Variants in RCAN2 observed in about 807,000 individuals in gnomAD.
RCAN2 encodes calcipressin-2.
In RCAN2, 9 loss-of-function variants were observed where a neutral mutation model predicts 23.6. That is an observed-to-expected ratio of 0.38 (90% CI 0.23 to 0.67). The LOEUF is 0.67. RCAN2 is among the 30% of genes least tolerant of loss of function. The pLI is 0.51. For synonymous variants in RCAN2, 109 were observed against 115.7 expected, an observed-to-expected ratio of 0.94 and a Z score of 0.37; for missense variants, 273 against 302.3, an observed-to-expected ratio of 0.90 and a Z score of 0.72.
At chr6:46,362,943 G>A (rs1012837251) in intron 2 of RCAN2, among the ~76,000 whole-genome samples, 3 of 152,230 alleles carry the variant, frequency 2.0e-5, no homozygotes, top group African/African-American at 7.2e-5. Context: ...CCTGGTACCT[G>A]TATTGTGCAG....
At chr6:46,290,415 T>C (rs975315455) in intron 2 of RCAN2, among the ~76,000 whole-genome samples, 1 of 152,132 alleles carries the variant, frequency 6.6e-6, no homozygotes, top group Admixed American at 6.5e-5. Flanking sequence ...GAAAACATAA[T>C]TGGGATGAAA....
chr6:46,330,798 T>C (rs1763942579), intron 2 of RCAN2, among the ~76,000 whole-genome samples: 1 of 152,246 alleles, frequency 6.6e-6, no homozygotes. Context: ...AGCCATGTTA[T>C]TTGTCTTTTA....
intron 2 of RCAN2, among the ~76,000 whole-genome samples, chr6:46,379,715 T>C (rs1362090262): frequency 6.6e-6 from 1 of 152,242 alleles, no homozygotes; most frequent in Non-Finnish European, 1.5e-5. Context: ...TACCCGACTC[T>C]GCAGCCTTAA....
At chr6:46,481,686 T>G (rs1195547033) in intron 1 of RCAN2, among the ~76,000 whole-genome samples, 1 of 152,196 alleles carries the variant, frequency 6.6e-6, no homozygotes, top group African/African-American at 2.4e-5. Flanking sequence ...AGAAGTAATA[T>G]CTGGTCTCTG....
chr6:46,330,044 G>A (rs1165487036), intron 2 of RCAN2, among the ~76,000 whole-genome samples: 1 of 152,002 alleles, frequency 6.6e-6, no homozygotes, highest in African/African-American at 2.4e-5. Context: ...ATGGCCTTCT[G>A]GATCATCTGT....
At chr6:46,468,841 TCA>T (rs1469190007) in intron 1 of RCAN2, 1 of 985,254 alleles carries the variant, frequency 1.0e-6, no homozygotes, top group Non-Finnish European at 1.2e-6. Flanking sequence ...TTCCTGAGTC[TCA>T]CAGATTCTCA....
chr6:46,420,421 C>CATGA (rs1766849746), intron 2 of RCAN2, among the ~76,000 whole-genome samples: 2 of 152,116 alleles, frequency 1.3e-5, no homozygotes, highest in South Asian at 4.1e-4. Context: ...TCAGCAACAG[C>CATGA]AGTAATCACA....
chr6:46,230,422 A>C (rs1305724590), intron 4 of RCAN2, among the ~76,000 whole-genome samples: 1 of 152,140 alleles, frequency 6.6e-6, no homozygotes, highest in Non-Finnish European at 1.5e-5. Context: ...AGTGGGCTCC[A>C]CCCAGTTTGA....
intron 2 of RCAN2, among the ~76,000 whole-genome samples, chr6:46,406,440 T>C (rs533313814): frequency 6.6e-6 from 1 of 152,382 alleles, no homozygotes; most frequent in East Asian, 1.9e-4. Flanking sequence ...TTTTTTGGTC[T>C]GTTTTCATTT....
intron 1 of RCAN2, among the ~76,000 whole-genome samples, chr6:46,487,978 T>C (rs972061609): frequency 9.2e-5 from 14 of 152,134 alleles, no homozygotes; most frequent in Non-Finnish European, 2.1e-4. Flanking sequence ...TCCATGAATA[T>C]ACAGATTTAA....
intron 2 of RCAN2, among the ~76,000 whole-genome samples, chr6:46,333,082 T>A (rs1462947866): frequency 1.3e-4 from 20 of 152,240 alleles, no homozygotes; most frequent in African/African-American, 4.6e-4. Context: ...TTTTTTCATG[T>A]GTTTTTTGGC....
intron 2 of RCAN2, among the ~76,000 whole-genome samples, chr6:46,255,164 A>T (rs1017297384): frequency 1.3e-5 from 2 of 152,152 alleles, no homozygotes; most frequent in Non-Finnish European, 2.9e-5. Context: ...AATACAGAGC[A>T]CCTAATATAA....
At chr6:46,264,501 T>A (rs1767250019) in intron 2 of RCAN2, among the ~76,000 whole-genome samples, 1 of 152,228 alleles carries the variant, frequency 6.6e-6, no homozygotes, top group Admixed American at 6.5e-5. Context: ...TTCTATTTGT[T>A]TTCCTCTGTT....
At chr6:46,272,421 A>G (rs1173906143) in intron 2 of RCAN2, among the ~76,000 whole-genome samples, 2 of 152,206 alleles carry the variant, frequency 1.3e-5, no homozygotes, top group African/African-American at 4.8e-5. Flanking sequence ...GCTTCTTTAA[A>G]GAGTCTACCC....
chr6:46,315,451 G>A (rs1763401922), intron 2 of RCAN2, among the ~76,000 whole-genome samples: 1 of 152,200 alleles, frequency 6.6e-6, no homozygotes, highest in African/African-American at 2.4e-5. Context: ...GATGAGTGAG[G>A]AGCAAGCCAT....
At chr6:46,263,543 G>GTA (rs757928904) in intron 2 of RCAN2, among the ~76,000 whole-genome samples, 15,755 of 123,252 alleles carry the variant, frequency 0.13, 1,552 homozygotes, top group African/African-American at 0.26. Context: ...GTGTGTATGT[G>GTA]TGTGTGTGTG....
chr6:46,318,055 T>C (rs1763497310), intron 2 of RCAN2, among the ~76,000 whole-genome samples: 1 of 152,188 alleles, frequency 6.6e-6, no homozygotes, highest in Non-Finnish European at 1.5e-5. Flanking sequence ...TAACATATAA[T>C]ATTGATCCAT....
intron 4 of RCAN2, among the ~76,000 whole-genome samples, chr6:46,236,481 T>TA (rs1217091318): frequency 6.6e-6 from 1 of 152,160 alleles, no homozygotes; most frequent in Non-Finnish European, 1.5e-5. Flanking sequence ...TTATAATGCT[T>TA]AATTATATCA....
intron 4 of RCAN2, among the ~76,000 whole-genome samples, chr6:46,230,876 TC>T (rs1765861443): frequency 1.3e-5 from 2 of 152,206 alleles, no homozygotes. Flanking sequence ...GCTCTTCCTA[TC>T]CGGCCATCTT....
Sources: gnomAD v4.1 joint callset for allele counts (sites outside exome capture counted in the v4.1 genomes callset) on GRCh38, gnomAD v4.1.1 for gene constraint, MANE v1.5 for transcripts, NCBI Gene and HGNC (gene_info 2026-07-23, HGNC 2026-07-21) for gene names.